CEP170B: variants seen among roughly 807,000 people sequenced by gnomAD.
CEP170B encodes centrosomal protein of 170 kDa protein B.
In CEP170B, 55 loss-of-function variants were observed where a neutral mutation model predicts 120.6. That is an observed-to-expected ratio of 0.46 (90% confidence interval 0.37 to 0.57). The LOEUF is 0.57. CEP170B is among the 20% of genes least tolerant of loss of function. The pLI, the probability that CEP170B is intolerant of heterozygous loss-of-function variation, is 0.00. For missense variants in CEP170B, 2,212 were observed against 2,253.3 expected, an observed-to-expected ratio of 0.98 and a Z score of 0.37; for synonymous variants, 1,033 against 954.5, an observed-to-expected ratio of 1.08 and a Z score of -1.52.
At chr14:104,880,801 A>G (rs182849132) in intron 6 of CEP170B, among the ~76,000 whole-genome samples, 323 of 148,614 alleles carry the variant, frequency 2.2e-3, no homozygotes, top group African/African-American at 7.4e-3. Context: ...GCACAGACCT[A>G]TCATGCACAC....
At position 104,883,404 on chromosome 14, in the gene CEP170B, A is replaced by T; in HGVS notation, c.947A>T (p.Asp316Val). The T allele has an allele frequency of 6.3e-7, 1 of 1,589,312 alleles. No individual in the cohort carries two copies. The highest frequency in any genetic ancestry group is 8.6e-7 in the Non-Finnish European group (1 of 1,169,528). Residue 316 changes from aspartate (D) to valine (V), a missense_variant, in exon 8 of 19, where the codon GAC becomes GTC. Transcript: ENST00000414716. ...GTGTCGGCTGAGACCAAGGTGGCCG[A>T]CTGGCTGGTGCAGAATGACCCGAGC... ...EMVSAETKVA[D>V]WLVQNDPSLL...
rs769933746 is a variant in CEP170B at position 104,885,413 on chromosome 14, G to T, written c.1815G>T (p.Ser605=). The change falls in exon 10 of 19, where the codon TCG becomes TCT. Residue 605 remains serine, a synonymous_variant. Coordinates refer to ENST00000414716, the MANE Select transcript of CEP170B (RefSeq NM_001112726.3). The part of the protein sequence containing the change: ...LESPELSRAS[S]ATFRPVIRGD... ...CCCCTGAACTCTCCAGGGCATCTTC[G>T]GCCACCTTTCGCCCAGTCATCAGAG... 1.3e-6 allele frequency: 2 copies of T among 1,568,296 alleles called. No individual in the cohort carries two copies. The highest frequency in any genetic ancestry group is 1.7e-6 in the Non-Finnish European group (2 of 1,157,168).
intron 1 of CEP170B, among the ~76,000 whole-genome samples, chr14:104,866,869 C>A (rs548947564): frequency 6.6e-6 from 1 of 152,134 alleles, no homozygotes; most frequent in Non-Finnish European, 1.5e-5. Context: ...GCACTCAGCC[C>A]GGCAGCCTCC....
chr14:104,886,026 C>T lies in CEP170B; in HGVS notation c.1945-14C>T. 4.6e-6 allele frequency: 7 copies of T among 1,524,056 alleles called. No homozygotes were observed. The highest frequency in any genetic ancestry group is 6.2e-6 in the Non-Finnish European group (7 of 1,134,744). 94.4% of individuals were successfully genotyped at this position (1,524,056 alleles called of 1,614,324 possible). A position where few individuals can be genotyped will look rare whatever the true frequency, so the allele number is the denominator to read the frequency against. On this transcript the variant is annotated splice_polypyrimidine_tract_variant and intron_variant, in intron 10 of 18. Coordinates refer to ENST00000414716, the MANE Select transcript of CEP170B (RefSeq NM_001112726.3). ...GGCTTGCGTGTGGAAACACTCCCAC[C>T]CTCCTCTCCACAGGGCCTCCCGGTG...
chr14:104,872,581 C>G (rs562905524), intron 2 of CEP170B, among the ~76,000 whole-genome samples: 5 of 152,114 alleles, frequency 3.3e-5, no homozygotes, highest in African/African-American at 1.2e-4. Flanking sequence ...GTGTGTGCTG[C>G]ATGTCTGTGG....
rs1004296871 is a variant in CEP170B at position 104,868,731 on chromosome 14, G to A, written c.105+176G>A. ...ATGCACCGAGGGCTCTGGGGCTCCCGTGGGTGCGTGCAGGGGTGTGTGTGT... is the reference window on the plus strand; with the variant it reads ...ATGCACCGAGGGCTCTGGGGCTCCCATGGGTGCGTGCAGGGGTGTGTGTGT... On this transcript the variant is annotated intron_variant, in intron 2 of 18. Transcript: ENST00000414716. The surrounding 1 kb of genome is among the most constrained non-coding windows in gnomAD (Gnocchi z 5.9). Among the ~76,000 whole-genome samples the A allele has an allele frequency of 1.3e-5, 2 of 152,200 alleles. No homozygotes were observed. Among genetic ancestry groups the A allele is most frequent in the Non-Finnish European group, 2.9e-5 (2 of 68,026 alleles).
intron 2 of CEP170B, among the ~76,000 whole-genome samples, chr14:104,873,223 G>A (rs28460540): frequency 6.6e-6 from 1 of 150,800 alleles, no homozygotes; most frequent in African/African-American, 2.4e-5. Context: ...GGGGCAGCTG[G>A]GCTCGGGGTG....
intron 3 of CEP170B, among the ~76,000 whole-genome samples, chr14:104,876,768 G>A (rs545808059): frequency 6.6e-6 from 1 of 152,378 alleles, no homozygotes; most frequent in East Asian, 1.9e-4. Context: ...GGGGAATGGG[G>A]CCCCTGAAAT....
Position 104,870,147 on chromosome 14 carries a change from A to G in CEP170B, c.105+1592A>G, listed in dbSNP as rs896881825. 1.3e-5 allele frequency among the ~76,000 whole-genome samples: 2 copies of G among 152,092 alleles called. No individual in the cohort carries two copies. The highest frequency in any genetic ancestry group is 2.4e-5 in the African/African-American group (1 of 41,396). ...AAGATTTTAGGTTTTATGGACCACAAAGTATCCACTGCAGCCCAGGCCTGT... is the reference window on the plus strand; with the variant it reads ...AAGATTTTAGGTTTTATGGACCACAGAGTATCCACTGCAGCCCAGGCCTGT... On this transcript the variant is annotated intron_variant, in intron 2 of 18. Transcript: ENST00000414716. This position sits in a 1 kb window ranked among gnomAD's most constrained non-coding sequence, Gnocchi z 4.1.
chr14:104,889,672 C>T lies in CEP170B; in HGVS notation c.3792C>T (p.Pro1264=), dbSNP rs375976923. The part of the protein sequence containing the change: ...GSSSRARSRA[P]GPRDTDDDEE... ...CCAGCCGGGCTCGTTCCCGGGCCCC[C>T]GGCCCCCGGGACACGGACGACGATG... The change falls in exon 13 of 19, where the codon CCC becomes CCT. Residue 1264 remains proline, a synonymous_variant. Transcript: ENST00000414716. 4.1e-4 allele frequency: 661 copies of T among 1,612,038 alleles called. 1 individual carries two copies. The highest frequency in any genetic ancestry group is 4.8e-4 in the Non-Finnish European group (565 of 1,179,680).
chr14:104,886,027 C>A lies in CEP170B; in HGVS notation c.1945-13C>A. ...GCTTGCGTGTGGAAACACTCCCACCCTCCTCTCCACAGGGCCTCCCGGTGC... is the reference window on the plus strand; with the variant it reads ...GCTTGCGTGTGGAAACACTCCCACCATCCTCTCCACAGGGCCTCCCGGTGC... On this transcript the variant is annotated splice_polypyrimidine_tract_variant and intron_variant, in intron 10 of 18. Transcript: ENST00000414716. 6.6e-7 allele frequency: 1 copy of A among 1,524,506 alleles called. No individual in the cohort carries two copies. The highest frequency in any genetic ancestry group is 8.8e-7 in the Non-Finnish European group (1 of 1,134,976). 94.4% of individuals were successfully genotyped at this position (1,524,506 alleles called of 1,614,324 possible). A position where few individuals can be genotyped will look rare whatever the true frequency, so the allele number is the denominator to read the frequency against.
chr14:104,876,154 C>A (rs1047985740), intron 2 of CEP170B, 102 bp from the exon 3 acceptor site: 3 of 1,082,438 alleles, frequency 2.8e-6, no homozygotes. Context: ...GGGGCCACTG[C>A]TGGTGTTGTG....
At position 104,889,629 on chromosome 14, in the gene CEP170B, C is replaced by G. The variant is rs762631216; in HGVS notation, c.3749C>G (p.Thr1250Ser). Residue 1250 changes from threonine to serine, a missense_variant, in exon 13 of 19, where the codon ACC becomes AGC. Physicochemically the swap from Thr to Ser is moderately conservative, Grantham distance 58. Around this residue, in one of 2 missense-constraint regions of CEP170B, gnomAD observed 2,166 missense variants for 2,166.7 expected, o/e 1.00. Coordinates refer to ENST00000414716, the MANE Select transcript of CEP170B (RefSeq NM_001112726.3). ...TCCCACACCTCAACAGCCACTCAGA[C>G]CCCGAGGGCTGGCAGCTCCAGCCGG... is the stretch of plus-strand genomic sequence containing the variant. ...GSARYTSTTQ[T>S]PRAGSSSRAR... 1 of 1,611,472 alleles carries G rather than the reference C, an allele frequency of 6.2e-7. No homozygotes were observed. The highest frequency in any genetic ancestry group is 1.7e-5 in the Admixed American group (1 of 60,012).
In CEP170B at chr14:104,870,517, G is replaced by T. The variant is rs112758923; in HGVS notation, c.105+1962G>T. Among the ~76,000 whole-genome samples, 1 of 152,144 alleles carries T rather than the reference G, an allele frequency of 6.6e-6. No individual in the cohort carries two copies. Among genetic ancestry groups the T allele is most frequent in the African/African-American group, 2.4e-5 (1 of 41,414 alleles). ...GTGGCTAGGAGGGCTTCTTGGAGGC[G>T]GCGGCACTTTGGAGCCTCTGGAAGA... On this transcript the variant is annotated intron_variant, in intron 2 of 18. Coordinates refer to ENST00000414716, the MANE Select transcript of CEP170B (RefSeq NM_001112726.3). This position sits in a 1 kb window ranked among gnomAD's most constrained non-coding sequence, Gnocchi z 4.1.
At chr14:104,882,624 C>G in intron 6 of CEP170B, 104 bp from the exon 7 acceptor site, 7 of 883,290 alleles carry the variant, frequency 7.9e-6, no homozygotes, top group Non-Finnish European at 1.7e-6. Flanking sequence ...GGAGGTGATG[C>G]CAGGGCCTGC....
At position 104,894,766 on chromosome 14, in the gene CEP170B, G is replaced by C; in HGVS notation, c.4473G>C (p.Arg1491Ser). The change falls in exon 19 of 19, where the codon AGG (arginine) becomes AGC (serine). Residue 1491 changes from arginine (R) to serine (S), a missense_variant. Arg to Ser is a moderately radical substitution (Grantham distance 110). Coordinates refer to ENST00000414716, the MANE Select transcript of CEP170B (RefSeq NM_001112726.3). ...SGSLDLLTGN[R>S]SLASSAQPGL... is the part of the protein sequence containing the mutation. ...GCCTGGACCTGCTCACAGGAAACAG[G>C]AGCTTGGCCAGCTCTGCACAGCCGG... 1.2e-6 allele frequency: 2 copies of C among 1,603,090 alleles called. No individual in the cohort carries two copies. The highest frequency in any genetic ancestry group is 1.7e-6 in the Non-Finnish European group (2 of 1,176,112).
intron 6 of CEP170B, among the ~76,000 whole-genome samples, chr14:104,882,226 T>C (rs896334682): frequency 2.0e-5 from 3 of 149,846 alleles, no homozygotes; most frequent in Non-Finnish European, 2.9e-5. Flanking sequence ...GCAGGGACCA[T>C]GTAGATTGCA....
chr14:104,885,606 A>G, intron 10 of CEP170B, 64 bp downstream of exon 10: 1 of 1,498,854 alleles, frequency 6.7e-7, no homozygotes, highest in Non-Finnish European at 8.8e-7. Context: ...TCCAAGCCGG[A>G]CCTGGGGTCA....
In CEP170B at chr14:104,884,182, A is replaced by G. The variant is rs1339433320; in HGVS notation, c.1403A>G (p.Lys468Arg). ...GGGCCACAGAGGGCCGGCTCGCTCA[A>G]GCGGGAGAAGACAGAGGAACGGCTG... ...SSGPQRAGSL[K>R]REKTEERLGS... The change falls in exon 9 of 19, where the codon AAG becomes AGG. Residue 468 changes from lysine (K) to arginine (R), a missense_variant. Lys to Arg is a conservative substitution (Grantham distance 26). This residue lies in a region of CEP170B where 2,166 missense variants were observed against 2,166.7 expected (regional missense o/e 1.00). Transcript: ENST00000414716. The G allele has an allele frequency of 6.5e-7, 1 of 1,546,476 alleles. No individual in the cohort carries two copies. The highest frequency in any genetic ancestry group is 8.7e-7 in the Non-Finnish European group (1 of 1,148,128).
Sources: allele counts gnomAD v4.1 joint callset (sites outside exome capture counted in the v4.1 genomes callset), GRCh38; gene constraint gnomAD v4.1.1; regional missense constraint gnomAD v4.1.1; non-coding constraint Gnocchi (gnomAD v3.1); transcripts MANE v1.5; gene names NCBI Gene and HGNC (gene_info 2026-07-23, HGNC 2026-07-21).